FAIM2: variants seen among roughly 807,000 people sequenced by gnomAD.
The protein encoded by FAIM2 is Fas apoptotic inhibitory molecule 2.
In FAIM2, 27 loss-of-function variants were observed where a neutral mutation model predicts 47.4. The observed-to-expected ratio is 0.57, with a 90% confidence interval of 0.42 to 0.78. The LOEUF (loss-of-function observed/expected upper bound fraction) is 0.78, where lower values mean the gene tolerates loss of function less well. Ranked by LOEUF, FAIM2 falls within the 30% of genes least tolerant of loss-of-function variation. The pLI, the probability that FAIM2 is intolerant of heterozygous loss-of-function variation, is 0.00. For missense variants in FAIM2, 311 were observed against 389.4 expected (o/e 0.80, Z 1.69); for synonymous variants, 156 against 159.3 (o/e 0.98, Z 0.16).
At chr12:49,880,504 A>ATATG (rs763218194) in intron 11 of FAIM2, among the ~76,000 whole-genome samples, 2 of 135,696 alleles carry the variant, frequency 1.5e-5, no homozygotes, top group South Asian at 2.4e-4. Context: ...ATGTGTGTGT[A>ATATG]TGAGTGTGTA....
In FAIM2 at chr12:49,891,135, G is replaced by A. The variant is rs74832018; in HGVS notation, c.435-21C>T. 2,963 of 1,613,144 alleles carry A rather than the reference G, an allele frequency of 1.8e-3. 54 individuals are homozygous for A. The African/African-American group carries it at 0.035, about 19-fold the overall frequency. On this transcript the variant is annotated intron_variant, in intron 5 of 11. Transcript: ENST00000320634. ...CAGCACTGTGAGAGACAGATGGATAGGTGAGTCAGCCAGCCTCTCCTGGGT... is the reference window on the plus strand; with the variant it reads ...CAGCACTGTGAGAGACAGATGGATAAGTGAGTCAGCCAGCCTCTCCTGGGT...
chr12:49,901,470 C>G, intron 1 of FAIM2, 145 bp from the exon 2 acceptor site: 1 of 611,698 alleles, frequency 1.6e-6, no homozygotes, highest in South Asian at 2.5e-5. Flanking sequence ...ACAAGAATGT[C>G]TCTATTTTAT....
At chr12:49,871,576 T>C (rs543688529) in intron 11 of FAIM2, among the ~76,000 whole-genome samples, 1 of 152,218 alleles carries the variant, frequency 6.6e-6, no homozygotes, top group East Asian at 1.9e-4. Flanking sequence ...TGCGCTTTTC[T>C]GGAGAAAGAG....
intron 10 of FAIM2, among the ~76,000 whole-genome samples, chr12:49,888,648 T>C (rs1028890164): frequency 3.9e-5 from 6 of 152,108 alleles, no homozygotes; most frequent in Non-Finnish European, 8.8e-5. Context: ...GATGTGGGTA[T>C]ACTCCGAGCC....
chr12:49,870,793 T>G, intron 11 of FAIM2, 140 bp from the exon 12 acceptor site: 1 of 709,048 alleles, frequency 1.4e-6, no homozygotes, highest in Non-Finnish European at 2.3e-6. Context: ...GTGGCCCTCC[T>G]GTGACACCTT....
rs1565611065 is a variant in FAIM2 at position 49,870,667 on chromosome 12, G to A, written c.802-14C>T. ...AAGTGCCAGGAACTGGGAGAAGTGA[G>A]GAGAGAGAGAGAGAGGTCAGAGGCC... On this transcript the variant is annotated splice_polypyrimidine_tract_variant and intron_variant, in intron 11 of 11. Coordinates refer to ENST00000320634, the MANE Select transcript of FAIM2 (RefSeq NM_012306.4). 6.2e-6 allele frequency: 10 copies of A among 1,606,308 alleles called. No homozygotes were observed. Among genetic ancestry groups the A allele is most frequent in the Non-Finnish European group, 7.7e-6 (9 of 1,174,622 alleles).
At chr12:49,893,510 A>G (rs961174074) in intron 5 of FAIM2, among the ~76,000 whole-genome samples, 11 of 152,166 alleles carry the variant, frequency 7.2e-5, no homozygotes, top group African/African-American at 2.6e-4. Context: ...TTCTATTCCC[A>G]CCATCTGACC....
rs1040086849 is a variant in FAIM2 at position 49,870,429 on chromosome 12, C to T, written c.*75G>A. On this transcript the variant is annotated 3_prime_UTR_variant, in exon 12 of 12. Coordinates refer to ENST00000320634, the MANE Select transcript of FAIM2 (RefSeq NM_012306.4). ...TGGCAGCTAGTTTTATATCTGGTCT[C>T]GCAGGAGCGCAGGGGAGGGACAGGG... 76 of 1,383,382 alleles carry T rather than the reference C, an allele frequency of 5.5e-5. No individual in the cohort carries two copies. In the African/African-American group the frequency reaches 8.6e-4, roughly 16 times the overall value. 85.7% of individuals were successfully genotyped at this position (1,383,382 alleles called of 1,614,324 possible).
intron 11 of FAIM2, among the ~76,000 whole-genome samples, chr12:49,883,467 G>A (rs1291510327): frequency 6.6e-6 from 1 of 151,948 alleles, no homozygotes; most frequent in Non-Finnish European, 1.5e-5. Context: ...GGAAGATGGG[G>A]AAGGCTTTGG....
At position 49,890,738 on chromosome 12, in the gene FAIM2, C is replaced by G. The variant is rs762249958; in HGVS notation, c.486-16G>C. The stretch of plus-strand genomic sequence containing the variant: ...GAAATGCCTCCTGCAAGGCAAGCCA[C>G]AGAGTTCAGGGGATCGTAGGGGGTG... On this transcript the variant is annotated splice_polypyrimidine_tract_variant and intron_variant, in intron 6 of 11. Transcript: ENST00000320634. 2 of 1,613,850 alleles carry G rather than the reference C, an allele frequency of 1.2e-6. No individual in the cohort carries two copies. The highest frequency in any genetic ancestry group is 1.7e-6 in the Non-Finnish European group (2 of 1,179,776).
intron 11 of FAIM2, among the ~76,000 whole-genome samples, chr12:49,884,613 G>C (rs1946847795): frequency 6.6e-6 from 1 of 152,196 alleles, no homozygotes; most frequent in African/African-American, 2.4e-5. Context: ...AGGGGCACTG[G>C]AAATGGCACC....
chr12:49,890,904 C>T (rs913896404), intron 6 of FAIM2, among the ~76,000 whole-genome samples, 160 bp downstream of exon 6: 1 of 152,108 alleles, frequency 6.6e-6, no homozygotes, highest in African/African-American at 2.4e-5. Context: ...CTCAGAGGCA[C>T]CAGGTAAAGG....
chr12:49,889,550 G>A lies in FAIM2; in HGVS notation c.582C>T (p.Ser194=), dbSNP rs763025973. 7.4e-6 allele frequency: 12 copies of A among 1,614,030 alleles called. No individual in the cohort carries two copies. Among genetic ancestry groups the A allele is most frequent in the East Asian group, 2.2e-5 (1 of 44,864 alleles). Residue 194 remains serine, a synonymous_variant, in exon 9 of 12, where the codon TCC becomes TCT. Coordinates refer to ENST00000320634, the MANE Select transcript of FAIM2 (RefSeq NM_012306.4). ...CCGTGATGCCCAGGCACAGCAGCACGGAGGTGGTGTTGTAGTAGCTGAGGA... is the reference window on the plus strand; with the variant it reads ...CCGTGATGCCCAGGCACAGCAGCACAGAGGTGGTGTTGTAGTAGCTGAGGA... The part of the protein sequence containing the change: ...GMLSSYYNTT[S]VLLCLGITAL...
intron 11 of FAIM2, 27 bp from the exon 12 acceptor site, chr12:49,870,680 G>C (rs1946696263): frequency 6.2e-7 from 1 of 1,612,408 alleles, no homozygotes; most frequent in South Asian, 1.1e-5. Context: ...GAGAGAGAGA[G>C]AGGTCAGAGG....
intron 7 of FAIM2, 75 bp from the exon 8 acceptor site, chr12:49,890,229 A>C: frequency 4.6e-5 from 63 of 1,361,154 alleles, no homozygotes; most frequent in Non-Finnish European, 6.0e-5. Flanking sequence ...GGTCCAGCTC[A>C]GGTCTCCACC....
chr12:49,879,524 C>T (rs1166325287), intron 11 of FAIM2, among the ~76,000 whole-genome samples: 1 of 128,370 alleles, frequency 7.8e-6, no homozygotes, highest in Non-Finnish European at 1.7e-5. Context: ...GTGTGTGTGT[C>T]CATGTGTATA....
At chr12:49,902,376 T>C (rs10467105) in intron 1 of FAIM2, 11,802 of 152,300 alleles carry the variant, frequency 0.077, 804 homozygotes, top group African/African-American at 0.18. Context: ...AAAGGGCCAC[T>C]GAGGAAGACT....
chr12:49,887,263 C>G, intron 11 of FAIM2, 123 bp downstream of exon 11: 1 of 866,208 alleles, frequency 1.2e-6, no homozygotes, highest in Non-Finnish European at 1.9e-6. Flanking sequence ...GAGCCTAGCC[C>G]TACCCGCAGG....
intron 7 of FAIM2, 25 bp downstream of exon 7, chr12:49,890,658 C>T (rs1199672503): frequency 1.2e-6 from 2 of 1,611,840 alleles, no homozygotes; most frequent in South Asian, 1.1e-5. Context: ...CAGCGTCTGT[C>T]CTCAGCACAC....
Sources: gnomAD v4.1 joint callset for allele counts (sites outside exome capture counted in the v4.1 genomes callset) on GRCh38, gnomAD v4.1.1 for gene constraint, MANE v1.5 for transcripts, NCBI Gene and HGNC (gene_info 2026-07-23, HGNC 2026-07-21) for gene names.